Variants in GSE1 observed in about 807,000 individuals in gnomAD.
The protein encoded by GSE1 is Gse1 coiled-coil protein.
A neutral mutation model predicts 112.6 loss-of-function variants in GSE1; 32 were observed. That is an observed-to-expected ratio of 0.28 (90% CI 0.21 to 0.38). The LOEUF (loss-of-function observed/expected upper bound fraction) is 0.38. GSE1 is among the 10% of genes least tolerant of loss of function. The probability of loss-of-function intolerance (pLI) is 1.00; values close to 1 mark genes in which losing one functional copy is unlikely to be tolerated. For synonymous variants in GSE1, 1,115 were observed against 735.6 expected (o/e 1.52, Z -8.35); for missense variants, 2,348 against 1,699.2 (o/e 1.38, Z -6.71).
intron 1 of GSE1, among the ~76,000 whole-genome samples, chr16:85,605,294 C>T (rs1432830320): frequency 2.6e-5 from 4 of 151,842 alleles, no homozygotes; most frequent in African/African-American, 9.7e-5. Context: ...CTCCTAATGT[C>T]GGAGGAGAAA....
At chr16:85,333,164 C>T (rs1212115962) in intron 1 of GSE1, among the ~76,000 whole-genome samples, 1 of 152,162 alleles carries the variant, frequency 6.6e-6, no homozygotes, top group East Asian at 1.9e-4. Flanking sequence ...GTGGGCAGGC[C>T]CAGCGTCTGT....
intron 2 of GSE1, among the ~76,000 whole-genome samples, chr16:85,439,187 A>C (rs1219724483): frequency 6.6e-6 from 1 of 152,192 alleles, no homozygotes; most frequent in Non-Finnish European, 1.5e-5. Flanking sequence ...CCCGGCACTG[A>C]CCTGGATGGT....
At chr16:85,640,600 T>TGCGGGGACCACGGA (rs1264269523) in intron 2 of GSE1, among the ~76,000 whole-genome samples, 6 of 152,082 alleles carry the variant, frequency 3.9e-5, no homozygotes, top group East Asian at 1.9e-4. Context: ...GGACTACGTG[T>TGCGGGGACCACGGA]GCGGGGACCA....
chr16:85,413,665 C>A (rs2048636377), intron 2 of GSE1, among the ~76,000 whole-genome samples: 1 of 152,126 alleles, frequency 6.6e-6, no homozygotes, highest in Non-Finnish European at 1.5e-5. Flanking sequence ...AACTGACCCC[C>A]AAACAGCAAT....
At chr16:85,256,882 C>A (rs576835025) in intron 1 of GSE1, among the ~76,000 whole-genome samples, 1 of 152,392 alleles carries the variant, frequency 6.6e-6, no homozygotes, top group African/African-American at 2.4e-5. Flanking sequence ...AGTTCCTCAG[C>A]TGCACTCACT....
rs1026904082 is a variant in GSE1, at chr16:85,672,739, C to T, written c.*200C>T. 54 of 416,228 alleles carry T rather than the reference C, an allele frequency of 1.3e-4. 2 individuals carry two copies. The South Asian group carries it at 2.3e-3, about 17-fold the overall frequency. 25.8% of individuals were successfully genotyped at this position (416,228 alleles called of 1,614,324 possible). ...ATGCAATTGAATCACCGTTGTCATT[C>T]AGCGAGCAACCAATGTAGGATTGCC... On this transcript the variant is annotated 3_prime_UTR_variant, in exon 16 of 16. Coordinates refer to ENST00000253458, the MANE Select transcript of GSE1 (RefSeq NM_014615.5).
At chr16:85,478,975 C>T in intron 2 of GSE1, among the ~76,000 whole-genome samples, 1 of 19,182 alleles carries the variant, frequency 5.2e-5, no homozygotes, top group African/African-American at 5.4e-4. Flanking sequence ...TTCCTTCCTT[C>T]CTTCCTTCCT....
chr16:85,666,180 T>C lies in GSE1; in HGVS notation c.2963T>C (p.Met988Thr), dbSNP rs1283598022. The stretch of plus-strand genomic sequence containing the variant: ...CCTGGAGGCAAAAAGAGTCTGAGCA[T>C]GCTTCACTATATCCGGGGCGCTGCA... The part of the protein sequence containing the change: ...EAPGGKKSLS[M>T]LHYIRGAAPK... The change falls in exon 13 of 16, where the codon ATG becomes ACG. Residue 988 changes from methionine to threonine, a missense_variant. By Grantham distance (81) the Met-to-Thr change is moderately conservative. Coordinates refer to ENST00000253458, the MANE Select transcript of GSE1 (RefSeq NM_014615.5). 6.2e-7 allele frequency: 1 copy of C among 1,613,436 alleles called. No homozygotes were observed. The highest frequency in any genetic ancestry group is 8.5e-7 in the Non-Finnish European group (1 of 1,180,048).
At chr16:85,390,888 A>G (rs1403024297) in intron 2 of GSE1, among the ~76,000 whole-genome samples, 1 of 152,182 alleles carries the variant, frequency 6.6e-6, no homozygotes, top group African/African-American at 2.4e-5. Flanking sequence ...CACTTTGGAG[A>G]TGCGTCATGC....
intron 1 of GSE1, among the ~76,000 whole-genome samples, chr16:85,205,803 G>T (rs1249453176): frequency 6.6e-6 from 1 of 152,224 alleles, no homozygotes; most frequent in Non-Finnish European, 1.5e-5. Flanking sequence ...GAGGACATTT[G>T]AACTGAGCCC....
rs369443517 is a variant in GSE1, at chr16:85,275,370, G to A, written c.2284-82093G>A. Reference sequence around the variant, plus strand: ...GCCCGGGCAGAGGGCACCGAGGGGCGAAGGCTCTGTCGGGAGAGCATGAGC... The same window carrying A: ...GCCCGGGCAGAGGGCACCGAGGGGCAAAGGCTCTGTCGGGAGAGCATGAGC... On this transcript the variant is annotated intron_variant, in intron 1 of 2. Coordinates refer to the GSE1 transcript ENST00000637419. Among the ~76,000 whole-genome samples the A allele has an allele frequency of 2.5e-4, 38 of 152,328 alleles. 1 individual carries two copies. The East Asian group carries it at 3.5e-3, about 14-fold the overall frequency.
chr16:85,281,445 G>A (rs2044855829), intron 1 of GSE1, among the ~76,000 whole-genome samples: 1 of 152,154 alleles, frequency 6.6e-6, no homozygotes, highest in Admixed American at 6.5e-5. Context: ...CCCCTCTGTA[G>A]GTGGCTAAAC....
chr16:85,581,668 A>C (rs1280239608), intron 1 of GSE1, among the ~76,000 whole-genome samples: 4 of 152,160 alleles, frequency 2.6e-5, no homozygotes, highest in African/African-American at 9.7e-5. Flanking sequence ...TGGTCCAGCA[A>C]TCCGGCCGTC....
intron 2 of GSE1, among the ~76,000 whole-genome samples, chr16:85,465,028 G>A (rs868777901): frequency 1.3e-5 from 2 of 152,226 alleles, no homozygotes; most frequent in African/African-American, 4.8e-5. Flanking sequence ...AGCTAGTGAG[G>A]TGCAGACGGG....
intron 2 of GSE1, among the ~76,000 whole-genome samples, chr16:85,525,233 C>T (rs1484084262): frequency 6.8e-6 from 1 of 147,824 alleles, no homozygotes; most frequent in Admixed American, 6.7e-5. Context: ...TGCAGCTGGG[C>T]TCCTCTGGCT....
intron 2 of GSE1, among the ~76,000 whole-genome samples, chr16:85,374,379 T>C (rs1003305040): frequency 9.2e-5 from 14 of 151,704 alleles, no homozygotes; most frequent in African/African-American, 3.4e-4. Context: ...TGTGTCATTG[T>C]GTATGTGTGT....
chr16:85,300,330 G>C (rs550632930), intron 1 of GSE1, among the ~76,000 whole-genome samples: 3 of 152,300 alleles, frequency 2.0e-5, no homozygotes, highest in African/African-American at 7.2e-5. Flanking sequence ...CCATTTTTAA[G>C]TATACACCTC....
At position 85,654,890 on chromosome 16, in the gene GSE1, C is replaced by T. The variant is rs2051781330; in HGVS notation, c.696C>T (p.Arg232=). ...FRPYHTTDDL[R]MSSLPPLGLD... ...CCTACCACACCACCGACGACCTCCG[C>T]ATGTCCTCACTGCCTCCCCTCGGCC... is the stretch of plus-strand genomic sequence containing the variant. The change falls in exon 5 of 16, where the codon CGC becomes CGT. Residue 232 remains arginine, a synonymous_variant. Transcript: ENST00000253458. 2 of 1,611,168 alleles carry T rather than the reference C, an allele frequency of 1.2e-6. No homozygotes were observed. The highest frequency in any genetic ancestry group is 3.3e-5 in the Admixed American group (2 of 59,980).
chr16:85,487,305 C>T lies in GSE1; in HGVS notation c.2464+129662C>T, dbSNP rs151166245. 3.3e-3 allele frequency among the ~76,000 whole-genome samples: 506 copies of T among 152,286 alleles called. 2 individuals are homozygous for T. The highest frequency in any genetic ancestry group is 0.012 in the African/African-American group (492 of 41,556). ...CCTTGCGTCTCCTCCCGTCACGTGG[C>T]GAGCTACGTCCCGTGGATACAGAGG... On this transcript the variant is annotated intron_variant, in intron 2 of 2. Coordinates refer to the GSE1 transcript ENST00000637419.
Sources: gnomAD v4.1 joint callset for allele counts (sites outside exome capture counted in the v4.1 genomes callset) on GRCh38, gnomAD v4.1.1 for gene constraint, MANE v1.5 for transcripts, NCBI Gene and HGNC (gene_info 2026-07-23, HGNC 2026-07-21) for gene names.